Variants in NRG2 observed in about 807,000 individuals in gnomAD.
The protein encoded by NRG2 is neuregulin 2.
Under a neutral mutation model 73.9 loss-of-function variants are expected in NRG2, and 27 were observed. That is an observed-to-expected ratio of 0.37 (90% CI 0.27 to 0.50). NRG2 has a LOEUF of 0.50. Ranked by LOEUF, NRG2 falls within the 20% of genes least tolerant of loss-of-function variation. NRG2 has a pLI of 0.96. For synonymous variants in NRG2, 532 were observed against 541.0 expected (o/e 0.98, Z 0.23); for missense variants, 1,126 against 1,210.1 (o/e 0.93, Z 1.03).
At position 140,027,894 on chromosome 5, in the gene NRG2, AAG is replaced by A. The variant is rs375147083; in HGVS notation, c.700+14474_700+14475del. Among the ~76,000 whole-genome samples, 23 of 152,298 alleles carry A rather than the reference AAG, an allele frequency of 1.5e-4. No individual in the cohort carries two copies. The East Asian group carries it at 3.9e-3, about 26-fold the overall frequency. On this transcript the variant is annotated intron_variant, in intron 1 of 9. Transcript: ENST00000361474. ...CACAGGCTACATGTTATGGGAAAAA[AAG>A]AGTAATTCAGAGGACAGAACCAGGA... is the stretch of plus-strand genomic sequence containing the variant.
At chr5:139,964,488 C>T (rs932799862) in intron 1 of NRG2, among the ~76,000 whole-genome samples, 1 of 152,124 alleles carries the variant, frequency 6.6e-6, no homozygotes, top group Non-Finnish European at 1.5e-5. Context: ...CCCAAAACCC[C>T]CTAAAGCTAA....
chr5:140,018,492 T>A (rs1275614081), intron 1 of NRG2, among the ~76,000 whole-genome samples: 1 of 152,140 alleles, frequency 6.6e-6, no homozygotes, highest in African/African-American at 2.4e-5. Flanking sequence ...TAGTCCATAG[T>A]GAAATGCCAC....
intron 4 of NRG2, among the ~76,000 whole-genome samples, 178 bp downstream of exon 4, chr5:139,871,543 G>A (rs971182863): frequency 7.2e-5 from 11 of 152,108 alleles, no homozygotes; most frequent in Non-Finnish European, 1.3e-4. Context: ...GCCCCTTAGA[G>A]CTTATATCTC....
rs771093272 is a variant in NRG2, at chr5:139,852,211, G to A, written c.1544+221C>T. ...CCTGACTATTTCCTGGTGCTCCCGA[G>A]GGAAGAAGGGAGCCAGCCATGTTAT... On this transcript the variant is annotated intron_variant, in intron 8 of 9. Transcript: ENST00000361474. The surrounding 1 kb of genome is among the most constrained non-coding windows in gnomAD (Gnocchi z 4.4). Among the ~76,000 whole-genome samples the A allele has an allele frequency of 2.6e-5, 4 of 152,210 alleles. No homozygotes were observed. The highest frequency in any genetic ancestry group is 4.4e-5 in the Non-Finnish European group (3 of 68,036).
At chr5:139,944,052 AT>A (rs940498155) in intron 1 of NRG2, among the ~76,000 whole-genome samples, 1 of 152,068 alleles carries the variant, frequency 6.6e-6, no homozygotes, top group Non-Finnish European at 1.5e-5. Flanking sequence ...TAGTTATTTG[AT>A]TTTTTTCAAC....
chr5:139,922,758 A>G (rs899731935), intron 1 of NRG2, among the ~76,000 whole-genome samples: 8 of 152,326 alleles, frequency 5.3e-5, no homozygotes, highest in Admixed American at 5.2e-4. Flanking sequence ...ACAATGGAAT[A>G]TTATTCAGCA....
intron 5 of NRG2, among the ~76,000 whole-genome samples, chr5:139,862,657 T>A (rs997302691): frequency 2.6e-5 from 4 of 152,188 alleles, no homozygotes; most frequent in Non-Finnish European, 5.9e-5. Flanking sequence ...GATGTGAGCA[T>A]GAGCTCCTGT....
intron 2 of NRG2, 34 bp from the exon 3 acceptor site, chr5:139,881,008 T>C (rs776793338): frequency 6.3e-7 from 1 of 1,585,412 alleles, no homozygotes; most frequent in Admixed American, 1.7e-5. Flanking sequence ...GGGAGAGGCG[T>C]GAGCCAGGGC....
At chr5:139,848,766 TGGGGTAGGGTGGG>T in intron 9 of NRG2, 69 bp from the exon 10 acceptor site, 2 of 34,414 alleles carry the variant, frequency 5.8e-5, no homozygotes, top group East Asian at 5.3e-4. Flanking sequence ...GGGTTGGGGG[TGGGGTAGGGTGGG>T]AGGGGCGGAC....
At chr5:140,021,443 C>T (rs1178631572) in intron 1 of NRG2, among the ~76,000 whole-genome samples, 2 of 152,164 alleles carry the variant, frequency 1.3e-5, no homozygotes, top group African/African-American at 4.8e-5. Context: ...TAGGAATGGT[C>T]CTTTAAGGCC....
intron 1 of NRG2, among the ~76,000 whole-genome samples, chr5:139,907,298 G>C (rs146659376): frequency 6.6e-6 from 1 of 152,190 alleles, no homozygotes; most frequent in Non-Finnish European, 1.5e-5. Context: ...AGGTATGTGA[G>C]GGGTGGGAGA....
intron 1 of NRG2, among the ~76,000 whole-genome samples, chr5:140,003,459 G>T (rs1011570092): frequency 2.0e-5 from 3 of 152,176 alleles, no homozygotes; most frequent in African/African-American, 4.8e-5. Context: ...AGAGACAGGG[G>T]TTGGAAGACA....
At chr5:140,041,666 T>TAAAAAAAAA (rs762926051) in intron 1 of NRG2, among the ~76,000 whole-genome samples, 1 of 92,002 alleles carries the variant, frequency 1.1e-5, no homozygotes, top group Non-Finnish European at 2.3e-5. Flanking sequence ...CAGAAACAGC[T>TAAAAAAAAA]AAAAAAAAAA....
chr5:140,000,668 C>G (rs1329845114), intron 1 of NRG2, among the ~76,000 whole-genome samples: 1 of 152,238 alleles, frequency 6.6e-6, no homozygotes, highest in Non-Finnish European at 1.5e-5. Context: ...ACTCTGTCGG[C>G]TCTCTTCGGA....
Position 139,880,909 on chromosome 5 carries a change from G to C in NRG2, c.938C>G (p.Ala313Gly). The C allele has an allele frequency of 6.2e-7, 1 of 1,614,180 alleles. No individual in the cohort carries two copies. The highest frequency in any genetic ancestry group is 8.5e-7 in the Non-Finnish European group (1 of 1,180,008). ...VEDAGEYVCEAENILGKDTVR... is the reference protein window; with the variant it reads ...VEDAGEYVCEGENILGKDTVR... ...GGTGTCCTTCCCCAGGATGTTCTCGGCCTCGCAGACATACTCCCCAGCGTC... is the reference window on the plus strand; with the variant it reads ...GGTGTCCTTCCCCAGGATGTTCTCGCCCTCGCAGACATACTCCCCAGCGTC... Residue 313 changes from alanine to glycine, a missense_variant, in exon 3 of 10, where the codon GCC becomes GGC. This residue lies in a region of NRG2 where 539 missense variants were observed against 703.2 expected (regional missense o/e 0.77). Coordinates refer to ENST00000361474, the MANE Select transcript of NRG2 (RefSeq NM_004883.3).
At chr5:139,895,025 G>A (rs1007819373) in intron 1 of NRG2, among the ~76,000 whole-genome samples, 2 of 152,342 alleles carry the variant, frequency 1.3e-5, no homozygotes, top group South Asian at 2.1e-4. Flanking sequence ...AAGGGAGGAG[G>A]AGGAGACAAA....
chr5:139,869,171 A>T lies in NRG2; in HGVS notation c.1112+2550T>A, dbSNP rs1762680685. On this transcript the variant is annotated intron_variant, in intron 4 of 9. Transcript: ENST00000361474. The surrounding 1 kb of genome is among the most constrained non-coding windows in gnomAD (Gnocchi z 4.5). ...GTGACACTGTTTCTTTTGGCACTGA[A>T]TTCCAGAAAAACAGGAGGGACGGAG... Among the ~76,000 whole-genome samples, 1 of 152,068 alleles carries T rather than the reference A, an allele frequency of 6.6e-6. No homozygotes were observed. Among genetic ancestry groups the T allele is most frequent in the Non-Finnish European group, 1.5e-5 (1 of 68,006 alleles).
intron 1 of NRG2, among the ~76,000 whole-genome samples, chr5:140,041,550 C>T (rs1014949461): frequency 6.6e-6 from 1 of 151,402 alleles, no homozygotes; most frequent in Non-Finnish European, 1.5e-5. Flanking sequence ...ATGAGAGATG[C>T]AGTCAAATAC....
intron 1 of NRG2, among the ~76,000 whole-genome samples, chr5:139,905,741 G>T (rs966977060): frequency 6.6e-6 from 1 of 152,038 alleles, no homozygotes; most frequent in Non-Finnish European, 1.5e-5. Context: ...GAGGGAGAGC[G>T]AGTACCCACC....
Sources: allele counts gnomAD v4.1 joint callset (sites outside exome capture counted in the v4.1 genomes callset), GRCh38; gene constraint gnomAD v4.1.1; regional missense constraint gnomAD v4.1.1; non-coding constraint Gnocchi (gnomAD v3.1); transcripts MANE v1.5; gene names NCBI Gene and HGNC (gene_info 2026-07-23, HGNC 2026-07-21).